FKBP5: variants seen among roughly 807,000 people sequenced by gnomAD.
FKBP5 encodes peptidyl-prolyl cis-trans isomerase FKBP5.
Under a neutral mutation model 50.5 loss-of-function variants are expected in FKBP5, and 23 were observed. The ratio of observed to expected loss-of-function variants is 0.46; its 90% confidence interval spans 0.33 to 0.65. FKBP5 has a LOEUF of 0.65. Ranked by LOEUF, FKBP5 falls within the 30% of genes least tolerant of loss-of-function variation. FKBP5 has a pLI of 0.02. For synonymous variants in FKBP5, 176 were observed against 190.6 expected, an observed-to-expected ratio of 0.92 and a Z score of 0.63; for missense variants, 411 against 553.1, an observed-to-expected ratio of 0.74 and a Z score of 2.58.
Position 35,703,718 on chromosome 6 carries a change from C to G in FKBP5, c.-20+16610G>C, listed in dbSNP as rs566797115. 1.4e-4 allele frequency among the ~76,000 whole-genome samples: 22 copies of G among 152,270 alleles called. No homozygotes were observed. The South Asian group carries it at 4.4e-3, about 30-fold the overall frequency. ...GAACTCAGATTCCCAGCCTCCCTTG[C>G]AGCTAGAACATTGACATGTGACCCA... On this transcript the variant is annotated intron_variant, in intron 2 of 11. Coordinates refer to the FKBP5 transcript ENST00000536438.
intron 1 of FKBP5, among the ~76,000 whole-genome samples, chr6:35,652,980 T>C (rs183216045): frequency 1.8e-4 from 28 of 152,096 alleles, no homozygotes; most frequent in African/African-American, 6.8e-4. Flanking sequence ...GAAAAGAACC[T>C]ACGTGATTAT....
intron 1 of FKBP5, among the ~76,000 whole-genome samples, chr6:35,684,953 T>C (rs1197606052): frequency 1.3e-5 from 2 of 151,958 alleles, no homozygotes; most frequent in Non-Finnish European, 2.9e-5. Context: ...GAGGATCACT[T>C]GAGACCAGGT....
intron 1 of FKBP5, among the ~76,000 whole-genome samples, chr6:35,667,047 G>C (rs1457076402): frequency 1.4e-5 from 2 of 144,200 alleles, no homozygotes; most frequent in African/African-American, 5.5e-5. Flanking sequence ...GTGTGTGTGT[G>C]TGTGTGTGTG....
chr6:35,582,411 G>A (rs1398718600), intron 8 of FKBP5: 1 of 583,586 alleles, frequency 1.7e-6, no homozygotes, highest in Non-Finnish European at 2.2e-6. Context: ...ATGTGGTCAT[G>A]AGGGTGGGGC....
chr6:35,689,648 C>T (rs1471908926), upstream of FKBP5, among the ~76,000 whole-genome samples: 1 of 151,948 alleles, frequency 6.6e-6, no homozygotes, highest in Non-Finnish European at 1.5e-5. Context: ...CGAGACCATC[C>T]TAGCCAACAT....
chr6:35,579,931 CA>C (rs1581780273), intron 9 of FKBP5, 104 bp downstream of exon 9: 1 of 867,032 alleles, frequency 1.2e-6, no homozygotes. Context: ...TAAAAAAAAG[CA>C]AAATGAAAAA....
At chr6:35,582,716 C>T (rs1762473812) in intron 8 of FKBP5, 2 of 985,204 alleles carry the variant, frequency 2.0e-6, no homozygotes, top group Non-Finnish European at 2.4e-6. Flanking sequence ...GCCTACCACT[C>T]CTTTTTTGGA....
At chr6:35,618,799 A>G (rs1561860670) in intron 5 of FKBP5, among the ~76,000 whole-genome samples, 1 of 152,050 alleles carries the variant, frequency 6.6e-6, no homozygotes, top group Non-Finnish European at 1.5e-5. Context: ...GGTTCAAGTG[A>G]TTCTCATGCC....
At chr6:35,657,997 G>A (rs1297048177) in intron 1 of FKBP5, among the ~76,000 whole-genome samples, 1 of 151,542 alleles carries the variant, frequency 6.6e-6, no homozygotes, top group Non-Finnish European at 1.5e-5. Flanking sequence ...TTGGGAGGCT[G>A]AGGCAGGCAG....
intron 8 of FKBP5, 191 bp downstream of exon 8, chr6:35,586,843 T>C: frequency 6.9e-7 from 1 of 1,445,586 alleles, no homozygotes; most frequent in African/African-American, 1.4e-5. Flanking sequence ...AAGAGGAATC[T>C]GTACTTTTTT....
chr6:35,640,745 A>T (rs2150988415), intron 2 of FKBP5, among the ~76,000 whole-genome samples: 1 of 152,194 alleles, frequency 6.6e-6, no homozygotes, highest in East Asian at 1.9e-4. Context: ...TCTGTTTTTT[A>T]AATTTTTTAT....
Position 35,619,207 on chromosome 6 carries a change from C to T in FKBP5, c.397G>A (p.Glu133Lys). ...TCCTCTCCTTTGAAATCAAGGAGCTCAATCTAGAAAGAAAAAAGGAATTCA... is the reference window on the plus strand; with the variant it reads ...TCCTCTCCTTTGAAATCAAGGAGCTTAATCTAGAAAGAAAAAAGGAATTCA... ...PSNATLFFEI[E>K]LLDFKGEDLF... The change falls in exon 5 of 11, where the codon GAG (glutamate) becomes AAG (lysine). Residue 133 changes from glutamate to lysine, a missense_variant. Coordinates refer to ENST00000357266, the MANE Select transcript of FKBP5 (RefSeq NM_004117.4). 6.2e-7 allele frequency: 1 copy of T among 1,607,490 alleles called. No homozygotes were observed. The highest frequency in any genetic ancestry group is 8.5e-7 in the Non-Finnish European group (1 of 1,174,536).
intron 4 of FKBP5, among the ~76,000 whole-genome samples, chr6:35,619,551 C>T (rs1021349552): frequency 3.3e-5 from 5 of 152,070 alleles, no homozygotes; most frequent in African/African-American, 1.2e-4. Flanking sequence ...CCACAACTTT[C>T]CCATCCTGGG....
intron 3 of FKBP5, among the ~76,000 whole-genome samples, chr6:35,627,266 A>G (rs1334587971): frequency 2.0e-5 from 3 of 152,020 alleles, no homozygotes; most frequent in African/African-American, 7.3e-5. Flanking sequence ...CTTGTTGTCC[A>G]TTTTTATATC....
chr6:35,581,929 C>T (rs1324225622), intron 8 of FKBP5: 9 of 985,370 alleles, frequency 9.1e-6, no homozygotes, highest in East Asian at 1.1e-4. Context: ...CCAACCCTCA[C>T]CCAAGGAGTC....
chr6:35,607,617 G>C (rs1436781060), intron 5 of FKBP5: 1 of 153,208 alleles, frequency 6.5e-6, no homozygotes, highest in Non-Finnish European at 1.5e-5. Context: ...CACCATTGGA[G>C]AGCAGCGGCC....
At chr6:35,692,849 GCTGC>G (rs532048801), upstream of FKBP5, among the ~76,000 whole-genome samples, 138 of 151,040 alleles carry the variant, frequency 9.1e-4, no homozygotes, top group African/African-American at 3.2e-3. Flanking sequence ...TCATTTCACG[GCTGC>G]CTATCACCTT....
At chr6:35,607,570 G>A (rs923674651) in intron 5 of FKBP5, 1 of 152,462 alleles carries the variant, frequency 6.6e-6, no homozygotes, top group African/African-American at 2.4e-5. Context: ...CATCAATGGT[G>A]GATTGGATAA....
At position 35,667,019 on chromosome 6, in the gene FKBP5, C is replaced by CTGTGTG. The variant is rs35407744; in HGVS notation, c.-20+21779_-20+21784dup. Among the ~76,000 whole-genome samples the CTGTGTG allele has an allele frequency of 1.4e-3, 212 of 148,894 alleles. 2 individuals carry two copies. The highest frequency in any genetic ancestry group is 2.1e-3 in the South Asian group (10 of 4,652). ...ATTTTCACTTGTTTTGTGTGTGTGT[C>CTGTGTG]TGTGTGTGTGTGTGTGTGTGTGTGT... On this transcript the variant is annotated intron_variant, in intron 1 of 10. Coordinates refer to ENST00000357266, the MANE Select transcript of FKBP5 (RefSeq NM_004117.4).
Sources: allele counts gnomAD v4.1 joint callset (sites outside exome capture counted in the v4.1 genomes callset), GRCh38; gene constraint gnomAD v4.1.1; transcripts MANE v1.5; gene names NCBI Gene and HGNC (gene_info 2026-07-23, HGNC 2026-07-21).